CROCC2: variants seen among roughly 807,000 people sequenced by gnomAD.
CROCC2 encodes the protein ciliary rootlet coiled-coil protein 2.
CROCC2 carries 163 observed loss-of-function variants against 177.6 expected under a neutral mutation model. That is an observed-to-expected ratio of 0.92 (90% CI 0.81 to 1.05). The LOEUF is 1.05. Ranked by LOEUF, CROCC2 falls within the 50% of genes least tolerant of loss-of-function variation. CROCC2 has a pLI of 0.00. For synonymous variants in CROCC2, 904 were observed against 787.3 expected (o/e 1.15, Z -2.48); for missense variants, 1,929 against 1,797.8 (o/e 1.07, Z -1.32).
chr2:240,993,011 C>G, intron 31 of CROCC2, 55 bp from the exon 32 acceptor site: 1 of 712,978 alleles, frequency 1.4e-6, no homozygotes. Context: ...CAGCAGGAGC[C>G]CCCATGTGTC....
chr2:240,951,340 C>A (rs2059555160), intron 18 of CROCC2, among the ~76,000 whole-genome samples: 1 of 151,728 alleles, frequency 6.6e-6, no homozygotes, highest in Non-Finnish European at 1.5e-5. Flanking sequence ...TTCATCCTTC[C>A]ATCCTCCCAT....
chr2:240,913,146 CACAGA>C (rs1374478379), intron 1 of CROCC2, among the ~76,000 whole-genome samples: 3 of 152,136 alleles, frequency 2.0e-5, no homozygotes, highest in Non-Finnish European at 4.4e-5. Flanking sequence ...CACAATCCTC[CACAGA>C]ACATTTGAGG....
At chr2:240,992,326 G>A (rs536790757) in intron 31 of CROCC2, among the ~76,000 whole-genome samples, 1 of 152,210 alleles carries the variant, frequency 6.6e-6, no homozygotes, top group African/African-American at 2.4e-5. Context: ...TGGCCTAAGG[G>A]TGCAAGGCCA....
At position 240,964,584 on chromosome 2, in the gene CROCC2, G is replaced by C. The variant is rs11688859; in HGVS notation, c.3424G>C (p.Gly1142Arg). The change falls in exon 22 of 32, where the codon GGG becomes CGG. Residue 1142 changes from glycine (G) to arginine (R), a missense_variant. This residue lies in a region of CROCC2 where 1,397 missense variants were observed against 1,239.9 expected (regional missense o/e 1.13). Transcript: ENST00000690015. ...CCACCTGTGGGAGCTGGAGCAGGCA[G>C]GGGGGGACGCCCGTCAGGAGCTCCG... ...RAHLWELEQA[G>R]GDARQELREL... is the part of the protein sequence containing the mutation. 0.65 allele frequency: 999,867 copies of C among 1,549,390 alleles called. 324,918 individuals carry two copies. The highest frequency in any genetic ancestry group is 0.79 in the African/African-American group (57,677 of 73,100).
intron 14 of CROCC2, among the ~76,000 whole-genome samples, chr2:240,940,200 A>C (rs188227638): frequency 6.6e-6 from 1 of 151,990 alleles, no homozygotes; most frequent in Non-Finnish European, 1.5e-5. Context: ...CTTCCACTAG[A>C]TCTCCCCTTA....
intron 15 of CROCC2, 112 bp downstream of exon 15, chr2:240,946,365 G>A (rs1574767950): frequency 4.5e-6 from 5 of 1,115,172 alleles, no homozygotes; most frequent in Non-Finnish European, 6.2e-6. Flanking sequence ...CTGGGAGGGA[G>A]CGTGTGCCCA....
At chr2:240,930,107 G>T in intron 5 of CROCC2, 59 bp from the exon 6 acceptor site, 1 of 524,040 alleles carries the variant, frequency 1.9e-6, no homozygotes, top group Non-Finnish European at 3.5e-6. Context: ...AAAAGAGTGG[G>T]CTTCAGGGAG....
chr2:240,983,162 A>C (rs1229678660), intron 28 of CROCC2, 133 bp downstream of exon 28: 14 of 997,990 alleles, frequency 1.4e-5, no homozygotes. Flanking sequence ...TGCTGGAGGC[A>C]GGTGAGCAGG....
intron 14 of CROCC2, among the ~76,000 whole-genome samples, chr2:240,944,494 C>T (rs946300780): frequency 2.6e-5 from 4 of 152,096 alleles, no homozygotes; most frequent in Non-Finnish European, 5.9e-5. Context: ...ATTTTCTATC[C>T]ATCCTTCTAT....
chr2:240,943,370 C>T (rs528041079), intron 14 of CROCC2, among the ~76,000 whole-genome samples: 1 of 152,058 alleles, frequency 6.6e-6, no homozygotes, highest in African/African-American at 2.4e-5. Flanking sequence ...CTGATATCCG[C>T]TCTTCTTTTC....
In CROCC2 at chr2:240,932,854, C is replaced by T. The variant is rs554922305; in HGVS notation, c.1197C>T (p.Asp399=). The change falls in exon 9 of 32, where the codon GAC becomes GAT. Residue 399 remains aspartate, a synonymous_variant. Coordinates refer to ENST00000690015, the MANE Select transcript of CROCC2 (RefSeq NM_001351305.2). ...ACATCTGCTCCCCAGCCACCCTGGA[C>T]CCCGCACTGCAGGCCATGCGGGCAG... is the stretch of plus-strand genomic sequence containing the variant. ...PPHICSPATL[D]PALQAMRAAI... The T allele has an allele frequency of 6.9e-5, 107 of 1,545,902 alleles. No individual in the cohort carries two copies. The highest frequency in any genetic ancestry group is 3.5e-4 in the Middle Eastern group (2 of 5,666).
At chr2:240,948,084 C>T (rs980533553) in intron 15 of CROCC2, among the ~76,000 whole-genome samples, 16 of 152,144 alleles carry the variant, frequency 1.1e-4, no homozygotes, top group Non-Finnish European at 2.2e-4. Flanking sequence ...AGGTTTCCTA[C>T]ACGCAGAAGG....
In CROCC2 at chr2:240,964,225, G is replaced by A. The variant is rs1349843959; in HGVS notation, c.3306-241G>A. ...GTGACAGAGAGGGGGAGACAGGGAGGGATGAGGTGAGGAGGGGCTGAAGAG... is the reference window on the plus strand; with the variant it reads ...GTGACAGAGAGGGGGAGACAGGGAGAGATGAGGTGAGGAGGGGCTGAAGAG... On this transcript the variant is annotated intron_variant, in intron 21 of 31. Coordinates refer to ENST00000690015, the MANE Select transcript of CROCC2 (RefSeq NM_001351305.2). 8 of 585,602 alleles carry A rather than the reference G, an allele frequency of 1.4e-5. No homozygotes were observed. In the South Asian group the frequency reaches 1.6e-4, roughly 12 times the overall value. 36.3% of individuals were successfully genotyped at this position (585,602 alleles called of 1,614,324 possible). A position where few individuals can be genotyped will look rare whatever the true frequency, so the allele number is the denominator to read the frequency against.
At chr2:240,926,947 A>G (rs1574753762) in intron 5 of CROCC2, among the ~76,000 whole-genome samples, 1 of 152,334 alleles carries the variant, frequency 6.6e-6, no homozygotes, top group South Asian at 2.1e-4. Flanking sequence ...TGGACAGGTC[A>G]CCTGAGGATC....
intron 5 of CROCC2, among the ~76,000 whole-genome samples, chr2:240,929,185 A>T (rs1490759433): frequency 6.6e-6 from 1 of 152,178 alleles, no homozygotes; most frequent in East Asian, 1.9e-4. Context: ...CATGAAGGTG[A>T]GTTGATCTAA....
chr2:240,989,727 T>C lies in CROCC2; in HGVS notation c.4757T>C (p.Leu1586Pro), dbSNP rs2059864681. The C allele has an allele frequency of 6.5e-7, 1 of 1,547,662 alleles. No homozygotes were observed. The highest frequency in any genetic ancestry group is 2.0e-5 in the Admixed American group (1 of 50,976). Residue 1586 changes from leucine (L) to proline (P), a missense_variant, in exon 30 of 32, where the codon CTG (leucine) becomes CCG (proline). Transcript: ENST00000690015. Reference sequence around the variant, plus strand: ...CTGACAGCTCAGCACCAGCGGGACCTGGCCACAGAGGCAGAGCGTCTCCAT... The same window carrying C: ...CTGACAGCTCAGCACCAGCGGGACCCGGCCACAGAGGCAGAGCGTCTCCAT... ...QDLTAQHQRDLATEAERLHGA... is the reference protein window; with the variant it reads ...QDLTAQHQRDPATEAERLHGA...
At chr2:240,962,010 CCA>C (rs869266774) in intron 20 of CROCC2, among the ~76,000 whole-genome samples, 2,604 of 43,348 alleles carry the variant, frequency 0.06, 40 homozygotes, top group East Asian at 0.095. Flanking sequence ...CACTCATCAC[CCA>C]CACACACACA....
intron 30 of CROCC2, among the ~76,000 whole-genome samples, chr2:240,990,747 T>G (rs2059872946): frequency 6.6e-6 from 1 of 152,152 alleles, no homozygotes; most frequent in African/African-American, 2.4e-5. Flanking sequence ...CATGCCTGGC[T>G]AATTTTTTGT....
At chr2:240,933,922 C>T in intron 11 of CROCC2, 70 bp downstream of exon 11, 1 of 1,473,350 alleles carries the variant, frequency 6.8e-7, no homozygotes, top group Non-Finnish European at 9.1e-7. Context: ...CCATCAGCCA[C>T]TTGGCCTTGG....
Sources: allele counts gnomAD v4.1 joint callset (sites outside exome capture counted in the v4.1 genomes callset), GRCh38; gene constraint gnomAD v4.1.1; regional missense constraint gnomAD v4.1.1; transcripts MANE v1.5; gene names NCBI Gene and HGNC (gene_info 2026-07-23, HGNC 2026-07-21).